TTC27: variants seen among roughly 807,000 people sequenced by gnomAD.
The protein encoded by TTC27 is tetratricopeptide repeat domain 27.
A neutral mutation model predicts 115.9 loss-of-function variants in TTC27; 79 were observed. The ratio of observed to expected loss-of-function variants is 0.68; its 90% confidence interval spans 0.57 to 0.82. The LOEUF (loss-of-function observed/expected upper bound fraction) is 0.82, where lower values mean the gene tolerates loss of function less well. TTC27 is among the 40% of genes least tolerant of loss of function. The pLI is 0.00. For missense variants in TTC27, 1,054 were observed against 993.1 expected, an observed-to-expected ratio of 1.06 and a Z score of -0.82; for synonymous variants, 401 against 356.0, an observed-to-expected ratio of 1.13 and a Z score of -1.42.
At chr2:32,653,417 A>G (rs2151871780) in intron 5 of TTC27, among the ~76,000 whole-genome samples, 1 of 152,198 alleles carries the variant, frequency 6.6e-6, no homozygotes, top group Middle Eastern at 3.4e-3. Context: ...AACATGGTGA[A>G]ACCCTGTCTC....
intron 12 of TTC27, among the ~76,000 whole-genome samples, chr2:32,754,461 G>A (rs1669133664): frequency 6.7e-6 from 1 of 149,390 alleles, no homozygotes; most frequent in Non-Finnish European, 1.5e-5. Flanking sequence ...AGGGTTGGGG[G>A]TAAGGTCATA....
At chr2:32,744,745 C>G (rs1668758707) in intron 12 of TTC27, among the ~76,000 whole-genome samples, 1 of 152,102 alleles carries the variant, frequency 6.6e-6, no homozygotes, top group South Asian at 2.1e-4. Context: ...TTTGAAATAT[C>G]TGATTAAAAG....
At chr2:32,659,988 G>C (rs1367191646) in intron 5 of TTC27, among the ~76,000 whole-genome samples, 1 of 152,188 alleles carries the variant, frequency 6.6e-6, no homozygotes, top group African/African-American at 2.4e-5. Flanking sequence ...GTGTGCATGT[G>C]TTTTTATAGC....
At chr2:32,646,992 T>C (rs890821815) in intron 4 of TTC27, among the ~76,000 whole-genome samples, 3 of 151,618 alleles carry the variant, frequency 2.0e-5, no homozygotes, top group African/African-American at 7.3e-5. Context: ...TTTTTTTTTT[T>C]AGAGTCAGAG....
intron 13 of TTC27, among the ~76,000 whole-genome samples, chr2:32,775,359 G>A (rs895623125): frequency 9.2e-5 from 14 of 151,928 alleles, no homozygotes; most frequent in South Asian, 2.1e-4. Flanking sequence ...CACCACGCCC[G>A]GCTAATTTTT....
chr2:32,778,300 G>A (rs1208555934), intron 14 of TTC27, among the ~76,000 whole-genome samples: 3 of 152,044 alleles, frequency 2.0e-5, no homozygotes, highest in African/African-American at 4.8e-5. Context: ...AGTTATTTTA[G>A]GGTGGAGTCT....
intron 9 of TTC27, among the ~76,000 whole-genome samples, chr2:32,685,015 C>CTTTTTTT (rs70938361): frequency 7.7e-5 from 9 of 116,298 alleles, no homozygotes; most frequent in Non-Finnish European, 1.0e-4. Context: ...TTGCCTTTTC[C>CTTTTTTT]TTTTTTTTTT....
intron 9 of TTC27, among the ~76,000 whole-genome samples, chr2:32,694,768 G>T (rs907294306): frequency 4.6e-5 from 7 of 151,152 alleles, no homozygotes. Context: ...GACCTCCCAG[G>T]CTCAAGCGAT....
chr2:32,767,444 TTTTTTTTTG>T lies in TTC27; in HGVS notation c.1680+8934_1680+8942del, dbSNP rs1194237627. 5.7e-3 allele frequency among the ~76,000 whole-genome samples: 256 copies of T among 44,570 alleles called. 2 individuals carry two copies. The East Asian group carries it at 0.11, about 19-fold the overall frequency. 29.2% of individuals were successfully genotyped at this position (44,570 alleles called of 152,430 possible). On this transcript the variant is annotated intron_variant, in intron 13 of 19. Transcript: ENST00000317907. ...AAGATACTAAGTGAATATTTATAAG[TTTTTTTTTG>T]TTTTTTTTTTTTTTTTTGAGACAGA...
chr2:32,649,988 C>T (rs2151869384), intron 4 of TTC27, 143 bp from the exon 5 acceptor site: 1 of 628,172 alleles, frequency 1.6e-6, no homozygotes, highest in Middle Eastern at 3.9e-4. Context: ...GGTATTATTA[C>T]TGAAGAGAGT....
intron 10 of TTC27, among the ~76,000 whole-genome samples, chr2:32,724,992 G>A (rs748668581): frequency 2.2e-4 from 34 of 152,176 alleles, no homozygotes; most frequent in Non-Finnish European, 2.4e-4. Flanking sequence ...GAGAGCTTGC[G>A]CAGGGAAACT....
intron 3 of TTC27, 48 bp downstream of exon 3, chr2:32,634,053 T>G (rs767721120): frequency 5.8e-5 from 91 of 1,566,460 alleles, no homozygotes; most frequent in Admixed American, 2.2e-4. Context: ...TGTTATTTAT[T>G]TTTTATAAGC....
intron 9 of TTC27, among the ~76,000 whole-genome samples, chr2:32,698,584 A>G (rs1002873330): frequency 6.7e-6 from 1 of 148,228 alleles, no homozygotes; most frequent in Non-Finnish European, 1.5e-5. Flanking sequence ...GGTTCACGCC[A>G]TTCTCCTGCC....
At chr2:32,663,707 C>T (rs979462991) in intron 5 of TTC27, among the ~76,000 whole-genome samples, 1 of 151,726 alleles carries the variant, frequency 6.6e-6, no homozygotes, top group Non-Finnish European at 1.5e-5. Flanking sequence ...TATTTGGAGA[C>T]GGGTTCTTGC....
At position 32,758,328 on chromosome 2, in the gene TTC27, G is replaced by C. The variant is rs149219610; in HGVS notation, c.1489G>C (p.Glu497Gln). ...CCTTAGACAAGAGCTGGAGAAAAAA[G>C]AAACGCCTAGTTTATACTGCTTGCT... ...EILRQELEKK[E>Q]TPSLYCLLGD... The change falls in exon 13 of 20, where the codon GAA becomes CAA. Residue 497 changes from glutamate (E) to glutamine (Q), a missense_variant. Coordinates refer to ENST00000317907, the MANE Select transcript of TTC27 (RefSeq NM_017735.5). 3.7e-6 allele frequency: 6 copies of C among 1,613,996 alleles called. No homozygotes were observed. In the African/African-American group the frequency reaches 8.0e-5, roughly 22 times the overall value.
At chr2:32,642,339 C>T (rs1243668694) in intron 4 of TTC27, among the ~76,000 whole-genome samples, 1 of 142,952 alleles carries the variant, frequency 7.0e-6, no homozygotes, top group Non-Finnish European at 1.5e-5. Context: ...GCAACCTCCA[C>T]CTCACAGGTT....
chr2:32,696,329 G>A (rs551753328), intron 9 of TTC27, among the ~76,000 whole-genome samples: 257 of 149,506 alleles, frequency 1.7e-3, no homozygotes, highest in African/African-American at 4.8e-3. Context: ...TCACTCTGTC[G>A]CCCAGACTGG....
At position 32,650,187 on chromosome 2, in the gene TTC27, A is replaced by G; in HGVS notation, c.594A>G (p.Glu198=). Reference sequence around the variant, plus strand: ...ATATTCATCAGCATTTGCTTGAGGAACGCTCACCTCTGCTTTTTACTCTTG... The same window carrying G: ...ATATTCATCAGCATTTGCTTGAGGAGCGCTCACCTCTGCTTTTTACTCTTG... ...CVNIHQHLLE[E]RSPLLFTLAE... is the part of the protein sequence containing the mutation. The change falls in exon 5 of 20, where the codon GAA becomes GAG. Residue 198 remains glutamate, a synonymous_variant. Coordinates refer to ENST00000317907, the MANE Select transcript of TTC27 (RefSeq NM_017735.5). 6.2e-7 allele frequency: 1 copy of G among 1,613,854 alleles called. No individual in the cohort carries two copies. Among genetic ancestry groups the G allele is most frequent in the Admixed American group, 1.7e-5 (1 of 59,992 alleles).
intron 10 of TTC27, among the ~76,000 whole-genome samples, chr2:32,723,971 C>CTTTTTTTTTTTTTTTTTTTTTTTTTTTT (rs36120062): frequency 1.6e-4 from 15 of 92,424 alleles, no homozygotes; most frequent in East Asian, 7.5e-4. Flanking sequence ...CATACATAAG[C>CTTTTTTTTTTTTTTTTTTTTTTTTTTTT]TTTTTTTTTT....
Sources: gnomAD v4.1 joint callset for allele counts (sites outside exome capture counted in the v4.1 genomes callset) on GRCh38, gnomAD v4.1.1 for gene constraint, MANE v1.5 for transcripts, NCBI Gene and HGNC (gene_info 2026-07-23, HGNC 2026-07-21) for gene names.